The following B9D1 variants were observed in gnomAD, a reference collection of about 807,000 sequenced individuals.
B9D1 encodes B9 domain containing 1, also known as B9 domain-containing protein 1.
In B9D1, 20 loss-of-function variants were observed where a neutral mutation model predicts 26.1. The observed-to-expected ratio is 0.77, with a 90% CI of 0.54 to 1.12. The LOEUF is 1.12. Ranked by LOEUF, B9D1 falls within the 50% of genes most tolerant of loss-of-function variation. The pLI is 0.00. For synonymous variants in B9D1, 105 were observed against 103.1 expected, an observed-to-expected ratio of 1.02 and a Z score of -0.11; for missense variants, 260 against 273.7, an observed-to-expected ratio of 0.95 and a Z score of 0.35.
At chr17:19,351,369 G>A (rs1909584899) in intron 3 of B9D1, among the ~76,000 whole-genome samples, 1 of 152,092 alleles carries the variant, frequency 6.6e-6, no homozygotes. Flanking sequence ...GCTAGTTTCT[G>A]AATATTTCAT....
chr17:19,373,538 C>A (rs1911987711), intron 1 of B9D1, among the ~76,000 whole-genome samples: 2 of 152,050 alleles, frequency 1.3e-5, no homozygotes, highest in Non-Finnish European at 2.9e-5. Flanking sequence ...ATTATAGGCG[C>A]CTGCCAACAT....
rs1038603112 is a variant in B9D1, at chr17:19,359,605, A to T, written c.132+715T>A. On this transcript the variant is annotated intron_variant, in intron 2 of 6. Coordinates refer to ENST00000261499, the MANE Select transcript of B9D1 (RefSeq NM_015681.6). This position sits in a 1 kb window ranked among gnomAD's most constrained non-coding sequence, Gnocchi z 5.0. The stretch of plus-strand genomic sequence containing the variant: ...CCCCTCACACTTCTGGCTTACTAAC[A>T]TCCTAGAATATGCACTCCTTATTAT... 6.6e-6 allele frequency among the ~76,000 whole-genome samples: 1 copy of T among 152,054 alleles called. No homozygotes were observed. The highest frequency in any genetic ancestry group is 2.1e-4 in the South Asian group (1 of 4,816).
chr17:19,346,364 T>C (rs1908780061), intron 5 of B9D1, among the ~76,000 whole-genome samples: 1 of 152,218 alleles, frequency 6.6e-6, no homozygotes, highest in Non-Finnish European at 1.5e-5. Context: ...CTGGGCGCGA[T>C]GCTGTCCCTC....
chr17:19,347,060 G>T lies in B9D1; in HGVS notation c.404+209C>A. On this transcript the variant is annotated intron_variant, in intron 5 of 6. Coordinates refer to ENST00000261499, the MANE Select transcript of B9D1 (RefSeq NM_015681.6). This position sits in a 1 kb window ranked among gnomAD's most constrained non-coding sequence, Gnocchi z 4.3. ...CACAAAGATTTTTCACAGGGCACAG[G>T]GTAAAATCGCCCGGCCTTCTGCTGC... 6.5e-7 allele frequency: 1 copy of T among 1,550,270 alleles called. No homozygotes were observed. The highest frequency in any genetic ancestry group is 1.2e-5 in the South Asian group (1 of 84,174).
chr17:19,337,807 T>C (rs1359147160), downstream of B9D1: 1 of 1,290,996 alleles, frequency 7.7e-7, no homozygotes, highest in African/African-American at 1.5e-5. Context: ...AGGCCTGGAA[T>C]TGCCTCACTG....
intron 1 of B9D1, among the ~76,000 whole-genome samples, chr17:19,362,133 G>C (rs1016856644): frequency 6.6e-6 from 1 of 152,222 alleles, no homozygotes; most frequent in Non-Finnish European, 1.5e-5. Context: ...ACGCGGGACA[G>C]TAACTCCACA....
At chr17:19,338,575 C>T (rs1175276646), downstream of B9D1, among the ~76,000 whole-genome samples, 2 of 152,194 alleles carry the variant, frequency 1.3e-5, no homozygotes, top group Admixed American at 6.5e-5. Flanking sequence ...ACCTGATGGG[C>T]GTGGCCATAT....
chr17:19,370,237 G>C lies in B9D1; in HGVS notation c.-298+7622C>G, dbSNP rs1457413573. On this transcript the variant is annotated intron_variant, in intron 1 of 5. Coordinates refer to the B9D1 transcript ENST00000477478. The surrounding 1 kb of genome is among the most constrained non-coding windows in gnomAD (Gnocchi z 5.1). ...ACACGATTTGAGTTGTTTTTTGAAA[G>C]ATTGCTCTGGCTACTGTGCAGAGTG... 2.0e-5 allele frequency among the ~76,000 whole-genome samples: 3 copies of C among 152,264 alleles called. No homozygotes were observed. Among genetic ancestry groups the C allele is most frequent in the African/African-American group, 4.8e-5 (2 of 41,470 alleles).
At chr17:19,353,872 G>A (rs1164137621) in intron 3 of B9D1, among the ~76,000 whole-genome samples, 1 of 152,176 alleles carries the variant, frequency 6.6e-6, no homozygotes, top group Non-Finnish European at 1.5e-5. Context: ...CTCAGGAGCA[G>A]GAGGTTGCAG....
chr17:19,360,972 T>TC (rs1910982268), intron 1 of B9D1, among the ~76,000 whole-genome samples: 1 of 152,066 alleles, frequency 6.6e-6, no homozygotes, highest in African/African-American at 2.4e-5. Flanking sequence ...TTACAGCTGC[T>TC]CCCCATTGCT....
intron 3 of B9D1, among the ~76,000 whole-genome samples, chr17:19,349,862 A>G (rs1306083936): frequency 2.0e-5 from 3 of 152,194 alleles, no homozygotes; most frequent in Admixed American, 6.5e-5. Context: ...TATCATGGCT[A>G]TAGTCCTCTA....
At chr17:19,335,561 T>TG (rs1459060040), downstream of B9D1, 3 of 1,236,124 alleles carry the variant, frequency 2.4e-6, no homozygotes, top group East Asian at 1.1e-4. Flanking sequence ...GGGCGTGGGG[T>TG]GGGGGGTGCT....
At chr17:19,337,714 A>T, downstream of B9D1, 1 of 1,534,298 alleles carries the variant, frequency 6.5e-7, no homozygotes, top group Non-Finnish European at 8.7e-7. Context: ...TCATCTTGAA[A>T]CACTGCTATC....
At chr17:19,351,658 T>A (rs1909623842) in intron 3 of B9D1, among the ~76,000 whole-genome samples, 1 of 152,238 alleles carries the variant, frequency 6.6e-6, no homozygotes, top group Non-Finnish European at 1.5e-5. Flanking sequence ...CTTGGAACTT[T>A]CTTTGTGAGA....
At chr17:19,363,308 C>T (rs79400257), upstream of B9D1, among the ~76,000 whole-genome samples, 4,636 of 152,344 alleles carry the variant, frequency 0.03, 91 homozygotes, top group East Asian at 0.084. Flanking sequence ...CTGAGGCCCG[C>T]AGCGGGCGGC....
upstream of B9D1, among the ~76,000 whole-genome samples, chr17:19,365,779 C>T (rs910052083): frequency 6.6e-6 from 1 of 152,150 alleles, no homozygotes; most frequent in African/African-American, 2.4e-5. This position sits in a 1 kb window ranked among gnomAD's most constrained non-coding sequence, Gnocchi z 5.0. Flanking sequence ...CCTCATCACA[C>T]CCAGGGGGTT....
chr17:19,337,082 C>T (rs923994312), downstream of B9D1, among the ~76,000 whole-genome samples: 2 of 152,228 alleles, frequency 1.3e-5, no homozygotes, highest in African/African-American at 4.8e-5. Flanking sequence ...TTCCTGTGCT[C>T]TGCCTCCTCT....
chr17:19,362,873 C>T, upstream of B9D1: 1 of 556,486 alleles, frequency 1.8e-6, no homozygotes, highest in South Asian at 1.8e-5. Flanking sequence ...TACCGCTCGA[C>T]TCAGTTGCAC....
At chr17:19,376,785 TTCAAATAAAA>T (rs1242100709) in intron 1 of B9D1, among the ~76,000 whole-genome samples, 2 of 128,366 alleles carry the variant, frequency 1.6e-5, no homozygotes, top group African/African-American at 4.0e-5. Flanking sequence ...AGACTCACTC[TTCAAATAAAA>T]TAAAATAAAA....
Sources: allele counts gnomAD v4.1 joint callset (sites outside exome capture counted in the v4.1 genomes callset), GRCh38; gene constraint gnomAD v4.1.1; non-coding constraint Gnocchi (gnomAD v3.1); transcripts MANE v1.5; gene names NCBI Gene and HGNC (gene_info 2026-07-23, HGNC 2026-07-21).